The following WIPF1 variants were observed in gnomAD, a reference collection of about 807,000 sequenced individuals.
The protein encoded by WIPF1 is WAS/WASL interacting protein family member 1.
In WIPF1, 13 loss-of-function variants were observed where a neutral mutation model predicts 35.4. The ratio of observed to expected loss-of-function variants is 0.37; its 90% CI spans 0.24 to 0.58. The LOEUF (loss-of-function observed/expected upper bound fraction) is 0.58, where lower values mean the gene tolerates loss of function less well. Ranked by LOEUF, WIPF1 falls within the 20% of genes least tolerant of loss-of-function variation. The pLI, the probability that WIPF1 is intolerant of heterozygous loss-of-function variation, is 0.74. For missense variants in WIPF1, 591 were observed against 667.0 expected (o/e 0.89, Z 1.25); for synonymous variants, 267 against 266.3 (o/e 1.00, Z -0.02).
chr2:174,681,994 T>C (rs762188727), intron 1 of WIPF1, among the ~76,000 whole-genome samples: 4 of 152,152 alleles, frequency 2.6e-5, no homozygotes, highest in Non-Finnish European at 5.9e-5. Flanking sequence ...AGCGACTGGG[T>C]CAGCTGCTTT....
At chr2:174,630,870 T>C (rs1393397295) in intron 1 of WIPF1, among the ~76,000 whole-genome samples, 3 of 152,160 alleles carry the variant, frequency 2.0e-5, no homozygotes, top group Admixed American at 6.5e-5. Context: ...CCCTCCAGAA[T>C]AGCCCCATTG....
chr2:174,634,615 C>T (rs1361310224), intron 1 of WIPF1: 1 of 152,208 alleles, frequency 6.6e-6, no homozygotes, highest in Admixed American at 6.5e-5. Context: ...CATTATACTT[C>T]CTCACTGCAC....
intron 1 of WIPF1, chr2:174,676,763 C>A (rs1257494913): frequency 6.6e-6 from 1 of 152,186 alleles, no homozygotes; most frequent in Admixed American, 6.5e-5. Context: ...ATAATAACTT[C>A]TACTTTCCCC....
chr2:174,618,289 G>A (rs1354951722), intron 1 of WIPF1, among the ~76,000 whole-genome samples: 1 of 152,200 alleles, frequency 6.6e-6, no homozygotes, highest in Non-Finnish European at 1.5e-5. Context: ...GCACAGACAA[G>A]GAAAAGGTAA....
At position 174,565,021 on chromosome 2, in the gene WIPF1, G is replaced by A. The variant is rs189558454; in HGVS notation, c.1456+2049C>T. 5.3e-5 allele frequency among the ~76,000 whole-genome samples: 8 copies of A among 151,698 alleles called. No individual in the cohort carries two copies. In the East Asian group the frequency reaches 1.4e-3, roughly 26 times the overall value. ...AGCAATTCTCCTGCCTCAGCCTCCT[G>A]AGTAGCTGGGATTACACGCATGCGC... On this transcript the variant is annotated intron_variant, in intron 7 of 7. Transcript: ENST00000679041.
chr2:174,633,415 T>C (rs774203491), intron 1 of WIPF1, among the ~76,000 whole-genome samples: 1 of 152,192 alleles, frequency 6.6e-6, no homozygotes, highest in Non-Finnish European at 1.5e-5. Flanking sequence ...CTCTCCTCCT[T>C]ATCCTCCCTG....
upstream of WIPF1, among the ~76,000 whole-genome samples, chr2:174,600,681 T>C (rs181171055): frequency 3.7e-4 from 57 of 152,326 alleles, no homozygotes; most frequent in Non-Finnish European, 5.9e-5. Context: ...GCGTCACCGC[T>C]TGACACTGTC....
At chr2:174,581,507 G>C in intron 2 of WIPF1, 68 bp from the exon 3 acceptor site, 1 of 1,574,252 alleles carries the variant, frequency 6.4e-7, no homozygotes, top group South Asian at 1.2e-5. Flanking sequence ...ACACTCGGCT[G>C]GGAAAGGTTG....
chr2:174,589,943 G>C (rs1037158678), intron 1 of WIPF1, among the ~76,000 whole-genome samples: 3 of 152,096 alleles, frequency 2.0e-5, no homozygotes, highest in Admixed American at 2.0e-4. Flanking sequence ...TTTGGGACTG[G>C]GAGTGGTGAC....
intron 1 of WIPF1, among the ~76,000 whole-genome samples, chr2:174,681,200 G>C (rs897093363): frequency 6.6e-6 from 1 of 152,180 alleles, no homozygotes; most frequent in African/African-American, 2.4e-5. Flanking sequence ...ACAATATTAC[G>C]GAACTGGTTT....
At chr2:174,592,605 ATTTTT>A (rs36039287) in intron 1 of WIPF1, among the ~76,000 whole-genome samples, 2 of 131,734 alleles carry the variant, frequency 1.5e-5, no homozygotes, top group Non-Finnish European at 3.2e-5. Context: ...TTATTTATTG[ATTTTT>A]TTTTTTTTTT....
intron 1 of WIPF1, among the ~76,000 whole-genome samples, chr2:174,668,467 T>C (rs1687940037): frequency 6.6e-6 from 1 of 152,238 alleles, no homozygotes; most frequent in African/African-American, 2.4e-5. Context: ...CAGCTGAACG[T>C]AACTTACTAT....
intron 2 of WIPF1, among the ~76,000 whole-genome samples, chr2:174,582,447 C>T (rs1685271232): frequency 1.3e-5 from 2 of 152,166 alleles, no homozygotes; most frequent in Non-Finnish European, 2.9e-5. Flanking sequence ...CTAGGCTGGC[C>T]CCAGCCCTTC....
At position 174,571,614 on chromosome 2, in the gene WIPF1, G is replaced by A. The variant is rs760451602; in HGVS notation, c.1129+62C>T. The A allele has an allele frequency of 6.2e-7, 1 of 1,605,492 alleles. No individual in the cohort carries two copies. Among genetic ancestry groups the A allele is most frequent in the East Asian group, 2.2e-5 (1 of 44,840 alleles). On this transcript the variant is annotated intron_variant, in intron 5 of 7. Coordinates refer to ENST00000679041, the MANE Select transcript of WIPF1 (RefSeq NM_001375834.1). The surrounding 1 kb of genome is among the most constrained non-coding windows in gnomAD (Gnocchi z 4.6). ...TTTGTTAGACTATCTTGACTGACAG[G>A]ATTATTGGTACATTTGGGCAGGCTG...
At chr2:174,645,753 G>A (rs1687394896) in intron 1 of WIPF1, among the ~76,000 whole-genome samples, 1 of 152,208 alleles carries the variant, frequency 6.6e-6, no homozygotes, top group Admixed American at 6.5e-5. Context: ...CCTACCTAGT[G>A]GGGTTATTCT....
chr2:174,676,133 G>T (rs1362025548), intron 1 of WIPF1, among the ~76,000 whole-genome samples: 2 of 149,966 alleles, frequency 1.3e-5, no homozygotes, highest in East Asian at 2.0e-4. Context: ...TTTCTTTTTG[G>T]TATTTTTTGT....
intron 1 of WIPF1, among the ~76,000 whole-genome samples, chr2:174,632,989 C>T (rs1320529890): frequency 6.6e-6 from 1 of 152,142 alleles, no homozygotes; most frequent in Non-Finnish European, 1.5e-5. Flanking sequence ...TTCCCAAGTG[C>T]GTGTCTCCTA....
At chr2:174,592,389 T>C (rs746024008) in intron 1 of WIPF1, among the ~76,000 whole-genome samples, 1 of 151,948 alleles carries the variant, frequency 6.6e-6, no homozygotes, top group Non-Finnish European at 1.5e-5. Flanking sequence ...TTTTGCTCTA[T>C]AAATGTTGCT....
chr2:174,575,361 A>G lies in WIPF1; in HGVS notation c.201T>C (p.Ala67=), dbSNP rs1184962324. The change falls in exon 4 of 8, where the codon GCT becomes GCC. Residue 67 remains alanine, a synonymous_variant. Coordinates refer to ENST00000679041, the MANE Select transcript of WIPF1 (RefSeq NM_001375834.1). ...PILDKPKGAG[A]GGGGGGFGGG... ...CACCAAAGCCACCACCACCGCCTCC[A>G]GCACCAGCTCCTTTAGGTTCTGTAG... The G allele has an allele frequency of 6.2e-7, 1 of 1,612,082 alleles. No homozygotes were observed. Among genetic ancestry groups the G allele is most frequent in the African/African-American group, 1.3e-5 (1 of 74,892 alleles).
Sources: gnomAD v4.1 joint callset for allele counts (sites outside exome capture counted in the v4.1 genomes callset) on GRCh38, gnomAD v4.1.1 for gene constraint, Gnocchi (gnomAD v3.1) non-coding constraint, MANE v1.5 for transcripts, NCBI Gene and HGNC (gene_info 2026-07-23, HGNC 2026-07-21) for gene names.